COBL: variants seen among roughly 807,000 people sequenced by gnomAD.
The protein encoded by COBL is cordon-bleu WH2 repeat protein, also known as protein cordon-bleu.
Under a neutral mutation model 98.8 loss-of-function variants are expected in COBL, and 51 were observed. The ratio of observed to expected loss-of-function variants is 0.52; its 90% CI spans 0.41 to 0.65. COBL has a LOEUF of 0.65. Ranked by LOEUF, COBL falls within the 30% of genes least tolerant of loss-of-function variation. COBL has a pLI of 0.00. For synonymous variants in COBL, 634 were observed against 651.7 expected (o/e 0.97, Z 0.41); for missense variants, 1,617 against 1,617.5 (o/e 1.00, Z 0.01).
At chr7:51,036,514 T>A (rs567402820) in intron 8 of COBL, among the ~76,000 whole-genome samples, 3 of 152,234 alleles carry the variant, frequency 2.0e-5, no homozygotes, top group Non-Finnish European at 4.4e-5. Context: ...GTCAGCAGGT[T>A]TCAGAGGTTG....
chr7:51,216,064 T>C (rs889479422), intron 2 of COBL, among the ~76,000 whole-genome samples: 1 of 152,236 alleles, frequency 6.6e-6, no homozygotes, highest in Admixed American at 6.5e-5. Flanking sequence ...AAGGCTTGCC[T>C]TCTTCTGCCC....
At chr7:51,123,895 A>G (rs1368902902) in intron 6 of COBL, among the ~76,000 whole-genome samples, 1 of 152,132 alleles carries the variant, frequency 6.6e-6, no homozygotes, top group Non-Finnish European at 1.5e-5. Context: ...CCCTCTGCCA[A>G]GTGTTACACA....
rs193195203 is a variant in COBL, at chr7:51,046,248, C to T, written c.1097-2556G>A. On this transcript the variant is annotated intron_variant, in intron 7 of 12. Transcript: ENST00000265136. ...CCCCACAGTGATGCCGGCACCTGCT[C>T]GGAGTATAGGGTGGGGCAGGGTGTG... 9.3e-4 allele frequency among the ~76,000 whole-genome samples: 141 copies of T among 152,200 alleles called. 1 individual carries two copies. The East Asian group carries it at 0.018, about 19-fold the overall frequency.
intron 1 of COBL, among the ~76,000 whole-genome samples, chr7:51,253,539 G>T (rs540585603): frequency 2.0e-5 from 3 of 152,302 alleles, no homozygotes; most frequent in South Asian, 4.1e-4. Context: ...AGGTATCATT[G>T]CTATTTATTT....
At chr7:51,312,624 C>T (rs562949759) in intron 1 of COBL, among the ~76,000 whole-genome samples, 6 of 152,112 alleles carry the variant, frequency 3.9e-5, no homozygotes, top group Non-Finnish European at 5.9e-5. Context: ...GGAGCACTTG[C>T]GTGGACACAG....
At chr7:51,135,126 C>T (rs1286152391) in intron 6 of COBL, among the ~76,000 whole-genome samples, 1 of 152,002 alleles carries the variant, frequency 6.6e-6, no homozygotes, top group Admixed American at 6.6e-5. Flanking sequence ...CCATGCCTGG[C>T]TAATTTTGTA....
At chr7:51,084,525 A>G (rs1369412660) in intron 7 of COBL, among the ~76,000 whole-genome samples, 1 of 152,080 alleles carries the variant, frequency 6.6e-6, no homozygotes, top group Non-Finnish European at 1.5e-5. Context: ...ACTCCCCTGG[A>G]CCTGGACAGC....
intron 5 of COBL, among the ~76,000 whole-genome samples, chr7:51,168,156 C>G (rs1232655401): frequency 6.6e-6 from 1 of 152,180 alleles, no homozygotes; most frequent in Admixed American, 6.5e-5. Flanking sequence ...CACTTGCAAA[C>G]TACTCATCTG....
intron 3 of COBL, 116 bp downstream of exon 3, chr7:51,193,263 A>G (rs1299166266): frequency 2.8e-5 from 24 of 859,256 alleles, no homozygotes; most frequent in Non-Finnish European, 4.2e-5. Flanking sequence ...GCATGAAAGT[A>G]GCAGCCTCAG....
intron 10 of COBL, among the ~76,000 whole-genome samples, chr7:51,027,495 T>C (rs1291178966): frequency 6.6e-6 from 1 of 152,224 alleles, no homozygotes; most frequent in Non-Finnish European, 1.5e-5. Flanking sequence ...CAGTGTGGAC[T>C]AGCCTCACAC....
intron 6 of COBL, among the ~76,000 whole-genome samples, chr7:51,097,421 T>C (rs940533891): frequency 4.6e-5 from 7 of 152,312 alleles, no homozygotes; most frequent in African/African-American, 1.7e-4. Context: ...CCCATTTCTA[T>C]TGAAAATAGT....
At chr7:51,223,679 C>G (rs774971410) in intron 1 of COBL, among the ~76,000 whole-genome samples, 5 of 152,194 alleles carry the variant, frequency 3.3e-5, no homozygotes, top group Non-Finnish European at 7.3e-5. Flanking sequence ...AGACATGGCT[C>G]AAAACTATGT....
chr7:51,291,104 C>T (rs978259892), intron 1 of COBL, among the ~76,000 whole-genome samples: 13 of 152,184 alleles, frequency 8.5e-5, no homozygotes, highest in Non-Finnish European at 1.8e-4. Context: ...AAGCAGAAAT[C>T]CCTGTTAGAG....
intron 5 of COBL, among the ~76,000 whole-genome samples, chr7:51,170,539 A>C (rs1787769015): frequency 6.8e-6 from 1 of 147,388 alleles, no homozygotes; most frequent in African/African-American, 2.5e-5. Flanking sequence ...ATAAATATAT[A>C]TCACATACAT....
At chr7:51,276,880 A>T (rs1236114908) in intron 1 of COBL, among the ~76,000 whole-genome samples, 1 of 152,212 alleles carries the variant, frequency 6.6e-6, no homozygotes. Context: ...TTTACCATAC[A>T]AGGGAGAGGA....
In COBL at chr7:51,136,144, G is replaced by C; in HGVS notation, c.957+14C>G. ...AAAAGATGCTTTGGTTGTGAGAACAGCCCACTGCCCTACCTTTTCCGATGC... is the reference window on the plus strand; with the variant it reads ...AAAAGATGCTTTGGTTGTGAGAACACCCCACTGCCCTACCTTTTCCGATGC... On this transcript the variant is annotated intron_variant, in intron 6 of 12. Coordinates refer to ENST00000265136, the MANE Select transcript of COBL (RefSeq NM_015198.5). 1.2e-6 allele frequency: 2 copies of C among 1,606,078 alleles called. No individual in the cohort carries two copies. The highest frequency in any genetic ancestry group is 2.2e-5 in the East Asian group (1 of 44,850).
At chr7:51,175,731 T>C (rs1788307271) in intron 5 of COBL, among the ~76,000 whole-genome samples, 1 of 152,228 alleles carries the variant, frequency 6.6e-6, no homozygotes, top group Non-Finnish European at 1.5e-5. Context: ...AAGGTTAACA[T>C]CCAGGGAGAC....
intron 7 of COBL, among the ~76,000 whole-genome samples, chr7:51,062,344 T>C (rs965214521): frequency 2.6e-5 from 4 of 152,028 alleles, no homozygotes; most frequent in Non-Finnish European, 4.4e-5. Context: ...GAAACTTGCT[T>C]GAAGGTGCAG....
intron 2 of COBL, among the ~76,000 whole-genome samples, chr7:51,215,271 A>G (rs1792922335): frequency 6.6e-6 from 1 of 152,178 alleles, no homozygotes; most frequent in South Asian, 2.1e-4. Flanking sequence ...CAGCTCCTTA[A>G]CCTTGTCACT....
Sources: allele counts gnomAD v4.1 joint callset (sites outside exome capture counted in the v4.1 genomes callset), GRCh38; gene constraint gnomAD v4.1.1; transcripts MANE v1.5; gene names NCBI Gene and HGNC (gene_info 2026-07-23, HGNC 2026-07-21).